The following TUSC3 variants were observed in gnomAD, a reference collection of about 807,000 sequenced individuals.
TUSC3 encodes the protein tumor suppressor candidate 3.
In TUSC3, 45 loss-of-function variants were observed where a neutral mutation model predicts 44.8. The observed-to-expected ratio is 1.00, with a 90% confidence interval of 0.79 to 1.29. The LOEUF (loss-of-function observed/expected upper bound fraction) is 1.29, where lower values mean the gene tolerates loss of function less well. Ranked by LOEUF, TUSC3 falls within the 50% of genes most tolerant of loss-of-function variation. TUSC3 has a pLI of 0.00. For synonymous variants in TUSC3, 212 were observed against 152.9 expected (o/e 1.39, Z -2.85); for missense variants, 519 against 437.9 (o/e 1.19, Z -1.65).
At chr8:15,845,967 C>T in the TUSC3 span, among the ~76,000 whole-genome samples, 3 of 152,040 alleles carry the variant, frequency 2.0e-5, no homozygotes. Flanking sequence ...AGGGGAAAGG[C>T]ACTTCTTACA....
intron 1 of TUSC3, among the ~76,000 whole-genome samples, chr8:15,440,423 A>T (rs1355392626): frequency 6.6e-6 from 1 of 152,196 alleles, no homozygotes; most frequent in Non-Finnish European, 1.5e-5. Context: ...GGTATTTTTC[A>T]CAAGAGCAAT....
the TUSC3 span, among the ~76,000 whole-genome samples, chr8:15,833,243 A>G: frequency 6.6e-6 from 1 of 152,192 alleles, no homozygotes; most frequent in Non-Finnish European, 1.5e-5. Flanking sequence ...AAAAAGGAAC[A>G]TTTATACGCT....
the TUSC3 span, among the ~76,000 whole-genome samples, chr8:15,838,694 C>A: frequency 6.6e-6 from 1 of 152,230 alleles, no homozygotes; most frequent in South Asian, 2.1e-4. Flanking sequence ...TCTGAGGGCC[C>A]TGTTCTGTTC....
chr8:15,755,588 C>T (rs373807809), intron 9 of TUSC3, among the ~76,000 whole-genome samples: 2 of 151,868 alleles, frequency 1.3e-5, no homozygotes, highest in East Asian at 1.9e-4. Context: ...TAATTACCAT[C>T]TGAGCCAGCA....
At chr8:15,750,058 C>A (rs991133962) in intron 9 of TUSC3, among the ~76,000 whole-genome samples, 6 of 150,348 alleles carry the variant, frequency 4.0e-5, no homozygotes, top group African/African-American at 1.5e-4. Context: ...CGGCTCACTG[C>A]AAGCTCCGCC....
chr8:15,422,093 A>G (rs1314524331), intron 1 of TUSC3, among the ~76,000 whole-genome samples: 1 of 152,120 alleles, frequency 6.6e-6, no homozygotes, highest in Non-Finnish European at 1.5e-5. Context: ...TGATACTCTT[A>G]TACCCCCACT....
chr8:15,822,769 C>G, the TUSC3 span, among the ~76,000 whole-genome samples: 1 of 152,100 alleles, frequency 6.6e-6, no homozygotes, highest in Non-Finnish European at 1.5e-5. Flanking sequence ...ATTATCAGCT[C>G]TCATCTGCTG....
At chr8:15,629,915 C>T (rs949968672) in intron 2 of TUSC3, among the ~76,000 whole-genome samples, 2 of 152,032 alleles carry the variant, frequency 1.3e-5, no homozygotes, top group Admixed American at 1.3e-4. Flanking sequence ...ATTCAATTCT[C>T]ACCTCCCTCA....
the TUSC3 span, among the ~76,000 whole-genome samples, chr8:15,834,219 T>G: frequency 2.4e-5 from 3 of 125,760 alleles, no homozygotes; most frequent in East Asian, 6.5e-4. Flanking sequence ...AATTCTTCAT[T>G]TTTATTTATT....
the TUSC3 span, chr8:15,806,365 A>G: frequency 1.4e-6 from 1 of 734,426 alleles, no homozygotes; most frequent in Non-Finnish European, 2.6e-6. Context: ...CATTCCAGGT[A>G]CTTGCCCAAC....
intron 3 of TUSC3, among the ~76,000 whole-genome samples, chr8:15,658,936 C>A (rs1273749620): frequency 6.6e-6 from 1 of 152,016 alleles, no homozygotes; most frequent in African/African-American, 2.4e-5. Flanking sequence ...TTGAGGATTT[C>A]TTCTTCATTC....
At chr8:15,417,989 C>T (rs1316916660) in intron 1 of TUSC3, among the ~76,000 whole-genome samples, 1 of 152,188 alleles carries the variant, frequency 6.6e-6, no homozygotes, top group Non-Finnish European at 1.5e-5. Flanking sequence ...GCCTGGGAAA[C>T]TCTGACACTT....
the TUSC3 span, among the ~76,000 whole-genome samples, chr8:15,794,190 G>A: frequency 6.6e-6 from 1 of 152,062 alleles, no homozygotes; most frequent in African/African-American, 2.4e-5. Flanking sequence ...GCATCATTTG[G>A]GCCTTTGAGA....
chr8:15,502,911 C>T (rs905789855), intron 2 of TUSC3, among the ~76,000 whole-genome samples: 16 of 152,260 alleles, frequency 1.1e-4, no homozygotes, highest in South Asian at 8.3e-4. Flanking sequence ...ACATGTTTGA[C>T]GAAGTCTTTA....
the TUSC3 span, among the ~76,000 whole-genome samples, chr8:15,811,791 G>A: frequency 6.6e-6 from 1 of 151,974 alleles, no homozygotes; most frequent in East Asian, 1.9e-4. Context: ...AACCATCTGG[G>A]GCTTAATTAC....
At position 15,496,248 on chromosome 8, in the gene TUSC3, C is replaced by T. The variant is rs1347292932; in HGVS notation, n.189+12765C>T. Among the ~76,000 whole-genome samples the T allele has an allele frequency of 2.0e-5, 3 of 152,210 alleles. No homozygotes were observed. In the East Asian group the frequency reaches 5.8e-4, roughly 29 times the overall value. On this transcript the variant is annotated intron_variant and non_coding_transcript_variant, in intron 2 of 5. Transcript: ENST00000503191. ...CACAGCATATCCATTCCAGCATATT[C>T]ATTTCTCTGTGCCTTTTAACATATG... is the stretch of plus-strand genomic sequence containing the variant.
chr8:15,548,123 A>G (rs1486343597), intron 1 of TUSC3, among the ~76,000 whole-genome samples: 1 of 151,746 alleles, frequency 6.6e-6, no homozygotes, highest in Non-Finnish European at 1.5e-5. Flanking sequence ...CCTGTGAGAA[A>G]TAAATTTCCG....
At chr8:15,513,764 C>T (rs1320188679) in intron 2 of TUSC3, among the ~76,000 whole-genome samples, 3 of 152,152 alleles carry the variant, frequency 2.0e-5, no homozygotes, top group Non-Finnish European at 4.4e-5. Flanking sequence ...ACAGAGGAGG[C>T]GTCTCAGGTA....
chr8:15,739,383 A>G (rs1218712608), intron 7 of TUSC3, among the ~76,000 whole-genome samples: 1 of 152,116 alleles, frequency 6.6e-6, no homozygotes, highest in African/African-American at 2.4e-5. Flanking sequence ...ATGATAATTG[A>G]TGATTTGCTG....
Sources: allele counts gnomAD v4.1 joint callset (sites outside exome capture counted in the v4.1 genomes callset), GRCh38; gene constraint gnomAD v4.1.1; transcripts MANE v1.5; gene names NCBI Gene and HGNC (gene_info 2026-07-23, HGNC 2026-07-21).